The following CSMD1 variants were observed in gnomAD, a reference collection of about 807,000 sequenced individuals.
CSMD1 encodes CUB and Sushi multiple domains 1.
In CSMD1, 213 loss-of-function variants were observed where a neutral mutation model predicts 417.5. The ratio of observed to expected loss-of-function variants is 0.51; its 90% CI spans 0.46 to 0.57. CSMD1 has a LOEUF of 0.57. Ranked by LOEUF, CSMD1 falls within the 20% of genes least tolerant of loss-of-function variation. The pLI is 0.00. For missense variants in CSMD1, 6,923 were observed against 4,529.7 expected (o/e 1.53, Z -15.17); for synonymous variants, 2,862 against 1,736.8 (o/e 1.65, Z -16.11).
In CSMD1 at chr8:3,507,951, G is replaced by A. The variant is rs186739928; in HGVS notation, c.1345-14225C>T. Among the ~76,000 whole-genome samples the A allele has an allele frequency of 6.3e-3, 961 of 152,188 alleles. 6 individuals are homozygous for A. The highest frequency in any genetic ancestry group is 9.8e-3 in the Non-Finnish European group (669 of 68,002). On this transcript the variant is annotated intron_variant, in intron 10 of 69. Coordinates refer to ENST00000635120, the MANE Select transcript of CSMD1 (RefSeq NM_033225.6). ...GGTTGCAAAAAGTTTCTCCCATTCTGTAGGTTGCCTGTTCACTCTGATGTT... is the reference window on the plus strand; with the variant it reads ...GGTTGCAAAAAGTTTCTCCCATTCTATAGGTTGCCTGTTCACTCTGATGTT...
Position 4,942,911 on chromosome 8 carries a change from C to T in CSMD1, c.85+51421G>A, listed in dbSNP as rs1326577501. Among the ~76,000 whole-genome samples the T allele has an allele frequency of 3.3e-5, 5 of 152,106 alleles. No homozygotes were observed. In the East Asian group the frequency reaches 9.6e-4, roughly 29 times the overall value. On this transcript the variant is annotated intron_variant, in intron 1 of 69. Coordinates refer to ENST00000635120, the MANE Select transcript of CSMD1 (RefSeq NM_033225.6). ...TTTTGGAAAGATATAAACATTGAAA[C>T]AATGGTTTGGATTAGGTTATAGATG... is the stretch of plus-strand genomic sequence containing the variant.
chr8:4,331,472 T>C (rs959089656), intron 3 of CSMD1, among the ~76,000 whole-genome samples: 5 of 151,422 alleles, frequency 3.3e-5, no homozygotes, highest in Non-Finnish European at 7.4e-5. Context: ...CCAGCCTTCT[T>C]TTGGGTTTTG....
chr8:3,457,326 AC>A (rs1193358065), intron 12 of CSMD1, among the ~76,000 whole-genome samples: 1 of 151,820 alleles, frequency 6.6e-6, no homozygotes, highest in Non-Finnish European at 1.5e-5. Flanking sequence ...TCACATCACA[AC>A]CTTTTTGCCA....
At chr8:3,697,922 T>C (rs1800643286) in intron 7 of CSMD1, among the ~76,000 whole-genome samples, 1 of 152,200 alleles carries the variant, frequency 6.6e-6, no homozygotes, top group South Asian at 2.1e-4. Flanking sequence ...AGTGAATCAA[T>C]TATATTCTTT....
At chr8:3,669,679 T>C (rs950025556) in intron 7 of CSMD1, among the ~76,000 whole-genome samples, 10 of 152,030 alleles carry the variant, frequency 6.6e-5, no homozygotes, top group Non-Finnish European at 5.9e-5. Flanking sequence ...TCAGCACCTA[T>C]TCTGTGTGAG....
In CSMD1 at chr8:3,046,271, G is replaced by A. The variant is rs983517583; in HGVS notation, c.7660+6191C>T. On this transcript the variant is annotated intron_variant, in intron 50 of 69. Transcript: ENST00000635120. The stretch of plus-strand genomic sequence containing the variant: ...CTGGGTGGTGCAGAAGTGAAGCCAC[G>A]TGGACGCATGTGTTTCAGAGGCAGG... 2.6e-5 allele frequency among the ~76,000 whole-genome samples: 4 copies of A among 152,262 alleles called. 1 individual carries two copies. Among genetic ancestry groups the A allele is most frequent in the Middle Eastern group, 6.8e-3 (2 of 294 alleles).
chr8:4,213,994 G>C (rs1714714), intron 3 of CSMD1, among the ~76,000 whole-genome samples: 42,499 of 152,090 alleles, frequency 0.28, 7,053 homozygotes, highest in East Asian at 0.4. Context: ...CACACAAACA[G>C]AAAGGGGCAA....
chr8:4,102,041 A>G (rs1361052311), intron 3 of CSMD1, among the ~76,000 whole-genome samples: 1 of 152,206 alleles, frequency 6.6e-6, no homozygotes, highest in Non-Finnish European at 1.5e-5. Flanking sequence ...CAGAAATCCC[A>G]AGTCAGTCTT....
chr8:4,284,699 A>C (rs1320403265), intron 3 of CSMD1, among the ~76,000 whole-genome samples: 2 of 151,988 alleles, frequency 1.3e-5, no homozygotes, highest in Non-Finnish European at 2.9e-5. Context: ...AAAACACTAA[A>C]ATTTGGATTT....
chr8:2,955,940 T>C (rs1387503839), intron 63 of CSMD1, among the ~76,000 whole-genome samples, 172 bp from the exon 64 acceptor site: 1 of 151,944 alleles, frequency 6.6e-6, no homozygotes, highest in Non-Finnish European at 1.5e-5. Context: ...GAAGTCTTGC[T>C]ATGTTGTCCA....
At chr8:3,876,967 C>G (rs367859262) in intron 5 of CSMD1, among the ~76,000 whole-genome samples, 6 of 152,196 alleles carry the variant, frequency 3.9e-5, no homozygotes, top group Non-Finnish European at 5.9e-5. Context: ...AGAAATAATT[C>G]ATAAGTCATA....
At chr8:3,705,697 C>A (rs186160416) in intron 7 of CSMD1, among the ~76,000 whole-genome samples, 1 of 152,142 alleles carries the variant, frequency 6.6e-6, no homozygotes, top group South Asian at 2.1e-4. Flanking sequence ...GCAACAAAAC[C>A]CTTAGTTGGG....
At chr8:3,467,467 C>T (rs1816848289) in intron 12 of CSMD1, among the ~76,000 whole-genome samples, 2 of 152,196 alleles carry the variant, frequency 1.3e-5, no homozygotes, top group Non-Finnish European at 2.9e-5. Flanking sequence ...TCTAAAAATT[C>T]AAACGTCAGG....
intron 7 of CSMD1, among the ~76,000 whole-genome samples, chr8:3,690,744 C>G (rs1009742878): frequency 1.3e-5 from 2 of 152,062 alleles, no homozygotes; most frequent in Non-Finnish European, 2.9e-5. Context: ...CTGAGATACT[C>G]TTAAATGTTT....
At chr8:4,464,831 GTATC>G (rs575839709) in intron 2 of CSMD1, among the ~76,000 whole-genome samples, 444 of 152,246 alleles carry the variant, frequency 2.9e-3, no homozygotes, top group African/African-American at 8.8e-3. Context: ...TGGGAGGAAA[GTATC>G]TATGATCCCA....
intron 3 of CSMD1, among the ~76,000 whole-genome samples, chr8:4,222,739 T>C (rs1341206184): frequency 3.3e-5 from 5 of 152,138 alleles, no homozygotes; most frequent in Admixed American, 1.3e-4. Flanking sequence ...GGTCAAACAC[T>C]CTTTCTGCCC....
intron 1 of CSMD1, among the ~76,000 whole-genome samples, chr8:4,989,209 G>A (rs1811335331): frequency 6.6e-6 from 1 of 152,082 alleles, no homozygotes; most frequent in African/African-American, 2.4e-5. Context: ...ATTCATTTCA[G>A]TAGAGCCGAA....
Position 3,732,572 on chromosome 8 carries a change from T to C in CSMD1, c.931+21358A>G, listed in dbSNP as rs141654062. Among the ~76,000 whole-genome samples, 21 of 152,360 alleles carry C rather than the reference T, an allele frequency of 1.4e-4. No homozygotes were observed. The East Asian group carries it at 2.5e-3, about 18-fold the overall frequency. The stretch of plus-strand genomic sequence containing the variant: ...CATTCTACTAAACACCCTGACTTTA[T>C]GCCCAGGCAACGCACCATGAAAGCT... On this transcript the variant is annotated intron_variant, in intron 6 of 69. Transcript: ENST00000635120.
intron 2 of CSMD1, among the ~76,000 whole-genome samples, chr8:4,424,572 G>C (rs80114845): frequency 6.6e-6 from 1 of 152,022 alleles, no homozygotes; most frequent in African/African-American, 2.4e-5. Context: ...AGAACGTGGA[G>C]AAAATTGGTT....
Sources: allele counts gnomAD v4.1 joint callset (sites outside exome capture counted in the v4.1 genomes callset), GRCh38; gene constraint gnomAD v4.1.1; transcripts MANE v1.5; gene names NCBI Gene and HGNC (gene_info 2026-07-23, HGNC 2026-07-21).